The following ZFPM2 variants were observed in gnomAD, a reference collection of about 807,000 sequenced individuals.
ZFPM2 encodes zinc finger protein ZFPM2.
In ZFPM2, 20 loss-of-function variants were observed where a neutral mutation model predicts 98.6. The ratio of observed to expected loss-of-function variants is 0.20; its 90% CI spans 0.14 to 0.29. The LOEUF (loss-of-function observed/expected upper bound fraction) is 0.29, where lower values mean the gene tolerates loss of function less well. ZFPM2 is among the 10% of genes least tolerant of loss of function. The pLI is 1.00. For missense variants in ZFPM2, 1,310 were observed against 1,388.6 expected (o/e 0.94, Z 0.90); for synonymous variants, 518 against 502.7 (o/e 1.03, Z -0.41).
chr8:105,614,870 C>G (rs1816381360), intron 4 of ZFPM2, among the ~76,000 whole-genome samples: 2 of 152,112 alleles, frequency 1.3e-5, no homozygotes, highest in African/African-American at 4.8e-5. Context: ...TATTTATAAT[C>G]CATACTTGAC....
intron 5 of ZFPM2, among the ~76,000 whole-genome samples, chr8:105,768,096 C>T (rs1327199256): frequency 6.6e-6 from 1 of 150,794 alleles, no homozygotes; most frequent in East Asian, 1.9e-4. Context: ...CTCTCTCTCT[C>T]TCTCTCTCTC....
intron 2 of ZFPM2, among the ~76,000 whole-genome samples, chr8:105,428,934 G>A (rs146067030): frequency 1.3e-3 from 199 of 152,236 alleles, no homozygotes; most frequent in African/African-American, 4.5e-3. Context: ...GACAAGGAAC[G>A]GTTCTGAAAC....
chr8:105,322,583 A>G (rs1812048480), intron 1 of ZFPM2, among the ~76,000 whole-genome samples: 1 of 152,246 alleles, frequency 6.6e-6, no homozygotes, highest in South Asian at 2.1e-4. Flanking sequence ...TTATACCATA[A>G]AAGTAGAGTT....
intron 1 of ZFPM2, among the ~76,000 whole-genome samples, chr8:105,332,915 G>A (rs967517044): frequency 4.6e-5 from 7 of 151,694 alleles, no homozygotes; most frequent in African/African-American, 1.2e-4. Context: ...TGCATCTTGA[G>A]AGCTGATTTG....
At chr8:105,517,272 G>T (rs1443807475) in intron 3 of ZFPM2, among the ~76,000 whole-genome samples, 1 of 152,200 alleles carries the variant, frequency 6.6e-6, no homozygotes, top group Non-Finnish European at 1.5e-5. Flanking sequence ...GAATTATTTG[G>T]CAACAGGGGT....
intron 5 of ZFPM2, among the ~76,000 whole-genome samples, chr8:105,641,541 A>G (rs1318802824): frequency 6.6e-6 from 1 of 152,068 alleles, no homozygotes; most frequent in Non-Finnish European, 1.5e-5. Flanking sequence ...CCCACTAGTG[A>G]CTGTGTTATT....
At chr8:105,783,494 A>T (rs924338972) in intron 5 of ZFPM2, among the ~76,000 whole-genome samples, 1 of 151,990 alleles carries the variant, frequency 6.6e-6, no homozygotes, top group African/African-American at 2.4e-5. Flanking sequence ...CCATCTCTAG[A>T]GCTCTTTATC....
chr8:105,684,576 G>A (rs376887807), intron 5 of ZFPM2, among the ~76,000 whole-genome samples: 1 of 152,070 alleles, frequency 6.6e-6, no homozygotes, highest in African/African-American at 2.4e-5. Flanking sequence ...TGAAAATTTA[G>A]CATGGGTTAA....
At chr8:105,604,232 C>T (rs1176791209) in intron 4 of ZFPM2, among the ~76,000 whole-genome samples, 1 of 152,018 alleles carries the variant, frequency 6.6e-6, no homozygotes, top group Non-Finnish European at 1.5e-5. Context: ...CTTAATTCCT[C>T]TCTTTTCTTC....
At chr8:105,692,824 GC>G (rs1810919478) in intron 5 of ZFPM2, among the ~76,000 whole-genome samples, 1 of 152,244 alleles carries the variant, frequency 6.6e-6, no homozygotes, top group Admixed American at 6.5e-5. Context: ...GCACTAGGAA[GC>G]TACTTCCAAG....
chr8:105,708,753 T>C (rs1383545954), intron 5 of ZFPM2, among the ~76,000 whole-genome samples: 1 of 152,116 alleles, frequency 6.6e-6, no homozygotes, highest in African/African-American at 2.4e-5. Context: ...CTATTATTAG[T>C]AGATAAGAGT....
chr8:105,695,603 A>C (rs1811000669), intron 5 of ZFPM2, among the ~76,000 whole-genome samples: 1 of 152,088 alleles, frequency 6.6e-6, no homozygotes, highest in South Asian at 2.1e-4. Flanking sequence ...TGTTAAGTGC[A>C]GTCACCAAAC....
chr8:105,437,464 T>C (rs1812142749), intron 2 of ZFPM2, among the ~76,000 whole-genome samples: 1 of 149,472 alleles, frequency 6.7e-6, no homozygotes, highest in Non-Finnish European at 1.5e-5. Flanking sequence ...AACCCCTTAA[T>C]AGGTTGAATT....
At chr8:105,683,403 G>C (rs776731997) in intron 5 of ZFPM2, among the ~76,000 whole-genome samples, 1 of 152,058 alleles carries the variant, frequency 6.6e-6, no homozygotes, top group Non-Finnish European at 1.5e-5. Context: ...AAACAGCCTC[G>C]TGGAATCAAG....
chr8:105,560,894 A>G (rs965193334), intron 3 of ZFPM2, among the ~76,000 whole-genome samples: 11 of 152,200 alleles, frequency 7.2e-5, no homozygotes, highest in Non-Finnish European at 1.3e-4. Context: ...TATATTGTAC[A>G]TGTAGCCATT....
intron 5 of ZFPM2, among the ~76,000 whole-genome samples, chr8:105,781,505 G>T (rs1813248190): frequency 6.6e-6 from 1 of 152,054 alleles, no homozygotes; most frequent in Non-Finnish European, 1.5e-5. Context: ...AGGATCCCTT[G>T]AGCTCAGGAG....
intron 3 of ZFPM2, among the ~76,000 whole-genome samples, chr8:105,444,688 G>T (rs764092992): frequency 6.6e-6 from 1 of 151,864 alleles, no homozygotes; most frequent in African/African-American, 2.4e-5. Flanking sequence ...TTTAAATTGG[G>T]CACACTATTA....
chr8:105,466,555 A>C (rs1482499378), intron 3 of ZFPM2, among the ~76,000 whole-genome samples: 1 of 152,078 alleles, frequency 6.6e-6, no homozygotes. Flanking sequence ...TTCACAAAAC[A>C]TACTTTTCGT....
At position 105,456,146 on chromosome 8, in the gene ZFPM2, G is replaced by GTTTTTTTTTTTTTTTTT. The variant is rs200639878; in HGVS notation, c.301+11774_301+11775insTTTTTTTTTTTTTTTTT. Reference sequence around the variant, plus strand: ...AGAAGATGGGGAAAACCAGGAAAATGTTTTTTTTTGTTTGTTTGTTTGTTT... The same window carrying GTTTTTTTTTTTTTTTTT: ...AGAAGATGGGGAAAACCAGGAAAATGTTTTTTTTTTTTTTTTTTTTTTTTTTGTTTGTTTGTTTGTTT... On this transcript the variant is annotated intron_variant, in intron 3 of 7. Transcript: ENST00000407775. 3.2e-5 allele frequency among the ~76,000 whole-genome samples: 3 copies of GTTTTTTTTTTTTTTTTT among 93,284 alleles called. 1 individual carries two copies. The highest frequency in any genetic ancestry group is 4.9e-5 in the Non-Finnish European group (2 of 41,012). The allele number at this position is 93,284 out of a possible 152,430, so 61.2% of individuals were successfully genotyped here.
Sources: allele counts gnomAD v4.1 joint callset (sites outside exome capture counted in the v4.1 genomes callset), GRCh38; gene constraint gnomAD v4.1.1; transcripts MANE v1.5; gene names NCBI Gene and HGNC (gene_info 2026-07-23, HGNC 2026-07-21).